The following NBPF4 variants were observed in gnomAD, a reference collection of about 807,000 sequenced individuals.
NBPF4 encodes NBPF member 4, also known as NBPF family member NBPF4.
Under a neutral mutation model 21.1 loss-of-function variants are expected in NBPF4, and 11 were observed. The observed-to-expected ratio is 0.52, with a 90% CI of 0.33 to 0.86. The LOEUF is 0.86. Among genes scored for constraint, NBPF4 ranks in the 40% least tolerant of loss-of-function variants. The probability of loss-of-function intolerance (pLI) is 0.03; values close to 1 mark genes in which losing one functional copy is unlikely to be tolerated. For synonymous variants in NBPF4, 47 were observed against 106.4 expected, an observed-to-expected ratio of 0.44 and a Z score of 3.43; for missense variants, 88 against 265.3, an observed-to-expected ratio of 0.33 and a Z score of 4.64.
chr1:108,264,479 CATT>C, the NBPF4 span, among the ~76,000 whole-genome samples: 1 of 103,404 alleles, frequency 9.7e-6, no homozygotes, highest in South Asian at 3.8e-4. Flanking sequence ...TTACACAGAT[CATT>C]GAGACAGAAC....
At chr1:108,246,510 C>T (rs573149952), upstream of NBPF4, among the ~76,000 whole-genome samples, 10 of 118,348 alleles carry the variant, frequency 8.4e-5, 3 homozygotes, top group South Asian at 3.7e-3. Context: ...TTTCTGAAGT[C>T]GAAGCACAAA....
upstream of NBPF4, among the ~76,000 whole-genome samples, chr1:108,246,222 A>G (rs1380158850): frequency 8.0e-6 from 1 of 124,386 alleles, no homozygotes; most frequent in Non-Finnish European, 1.7e-5. Flanking sequence ...ACTGGGATTG[A>G]TCCAGTCCTC....
At chr1:108,252,731 T>C in the NBPF4 span, among the ~76,000 whole-genome samples, 16,412 of 132,396 alleles carry the variant, frequency 0.12, 1,441 homozygotes, top group East Asian at 0.25. Flanking sequence ...CATTTTCACA[T>C]CTCAATTTTA....
the NBPF4 span, among the ~76,000 whole-genome samples, chr1:108,252,762 G>T: frequency 8.3e-6 from 1 of 120,282 alleles, no homozygotes. Flanking sequence ...CTCTGATTTT[G>T]GTTTTCTTTT....
At position 108,223,474 on chromosome 1, in the gene NBPF4, T is replaced by A. The variant is rs1649374674; in HGVS notation, c.*231A>T. The A allele has an allele frequency of 7.3e-6, 4 of 548,480 alleles. No individual in the cohort carries two copies. Among genetic ancestry groups the A allele is most frequent in the Non-Finnish European group, 1.3e-5 (4 of 303,330 alleles). 34.0% of individuals were successfully genotyped at this position (548,480 alleles called of 1,614,324 possible). On this transcript the variant is annotated 3_prime_UTR_variant, in exon 15 of 15. Transcript: ENST00000415641. The stretch of plus-strand genomic sequence containing the variant: ...AAACAGGGCTAACGCCGGTCAATGC[T>A]ATTTGTCCATCTGGGCATTGGTCTC...
upstream of NBPF4, among the ~76,000 whole-genome samples, chr1:108,247,831 CTTTTTTTT>C (rs61276485): frequency 2.3e-5 from 2 of 85,208 alleles, no homozygotes; most frequent in East Asian, 4.5e-4. Flanking sequence ...GTGTGAGATG[CTTTTTTTT>C]TTTTTTTTTT....
chr1:108,257,653 ATTTTTC>A, the NBPF4 span, among the ~76,000 whole-genome samples: 3 of 137,010 alleles, frequency 2.2e-5, no homozygotes, highest in South Asian at 4.5e-4. Context: ...ATTTTTAAAT[ATTTTTC>A]TTTTTCATGT....
At chr1:108,223,952 G>A (rs1421663450) in intron 14 of NBPF4, among the ~76,000 whole-genome samples, 1 of 149,942 alleles carries the variant, frequency 6.7e-6, no homozygotes, top group Admixed American at 6.7e-5. Flanking sequence ...CAGTCAGCCT[G>A]GGGTGCAGGA....
chr1:108,257,762 C>CTTTTTTTTTTTTTTTTTTTTTTTT, the NBPF4 span, among the ~76,000 whole-genome samples: 2 of 54,774 alleles, frequency 3.7e-5, no homozygotes, highest in African/African-American at 7.8e-5. Context: ...CTTTTCTTTT[C>CTTTTTTTTTTTTTTTTTTTTTTTT]TTTTTTTTTT....
chr1:108,259,842 C>A, the NBPF4 span, among the ~76,000 whole-genome samples: 65 of 150,798 alleles, frequency 4.3e-4, no homozygotes, highest in East Asian at 0.012. Flanking sequence ...TTGTGAGCAT[C>A]ATTAATATTA....
At chr1:108,223,780 G>A in intron 14 of NBPF4, 34 bp from the exon 15 acceptor site, 1 of 1,543,500 alleles carries the variant, frequency 6.5e-7, no homozygotes, top group Non-Finnish European at 8.7e-7. Context: ...AATCAAATGA[G>A]CATTTTTGTC....
Position 108,234,909 on chromosome 1 carries a change from C to T in NBPF4, c.1028+327G>A, listed in dbSNP as rs1299820767. 1.9e-5 allele frequency among the ~76,000 whole-genome samples: 2 copies of T among 104,204 alleles called. 1 individual carries two copies. The highest frequency in any genetic ancestry group is 8.3e-5 in the African/African-American group (2 of 24,102). The allele number at this position is 104,204 out of a possible 152,430, so 68.4% of individuals were successfully genotyped here. The stretch of plus-strand genomic sequence containing the variant: ...AATTTCCTTGCCTTGAAATGCTCAC[C>T]ACTGTGCTAATGCAAAACCAGCAGA... On this transcript the variant is annotated intron_variant, in intron 9 of 14. Coordinates refer to ENST00000415641, the MANE Select transcript of NBPF4 (RefSeq NM_001143989.3).
the NBPF4 span, among the ~76,000 whole-genome samples, chr1:108,266,107 T>A: frequency 5.8e-5 from 7 of 121,440 alleles, no homozygotes; most frequent in South Asian, 2.6e-4. Flanking sequence ...GATAGAAACA[T>A]GAAAAACCCT....
chr1:108,268,688 T>C, the NBPF4 span, among the ~76,000 whole-genome samples: 1 of 149,638 alleles, frequency 6.7e-6, no homozygotes. Flanking sequence ...GAGAGAAAAA[T>C]GCTAGCAAAA....
chr1:108,259,786 T>C, the NBPF4 span, among the ~76,000 whole-genome samples: 12 of 151,698 alleles, frequency 7.9e-5, no homozygotes, highest in Non-Finnish European at 1.3e-4. Flanking sequence ...TTTCTTTTTT[T>C]TGAAAGCATC....
At chr1:108,226,382 C>A (rs1423690535) in intron 14 of NBPF4, among the ~76,000 whole-genome samples, 1 of 150,832 alleles carries the variant, frequency 6.6e-6, no homozygotes, top group African/African-American at 2.5e-5. Context: ...CTGTGTTCAG[C>A]AGCTTAAACT....
chr1:108,267,106 GA>G, the NBPF4 span, among the ~76,000 whole-genome samples: 1 of 93,372 alleles, frequency 1.1e-5, no homozygotes, highest in African/African-American at 3.8e-5. Context: ...AAATGTTTTA[GA>G]TTCCTATTAA....
At chr1:108,264,203 C>G in the NBPF4 span, among the ~76,000 whole-genome samples, 1 of 150,196 alleles carries the variant, frequency 6.7e-6, no homozygotes, top group Admixed American at 6.6e-5. Flanking sequence ...ATTTACCAAG[C>G]AAATGGAAAG....
rs1472579670 is a variant in NBPF4 at position 108,223,555 on chromosome 1, A to G, written c.*150T>C. 2.5e-5 allele frequency: 18 copies of G among 734,284 alleles called. No individual in the cohort carries two copies. The highest frequency in any genetic ancestry group is 3.7e-5 in the Non-Finnish European group (16 of 433,856). 45.5% of individuals were successfully genotyped at this position (734,284 alleles called of 1,614,324 possible). ...GGAATGTGGCTTCTCAAATCAAAGG[A>G]GCATAGTGGCTTGAAGTCATCAAGA... is the stretch of plus-strand genomic sequence containing the variant. On this transcript the variant is annotated 3_prime_UTR_variant, in exon 15 of 15. Transcript: ENST00000415641.
Sources: allele counts gnomAD v4.1 joint callset (sites outside exome capture counted in the v4.1 genomes callset), GRCh38; gene constraint gnomAD v4.1.1; transcripts MANE v1.5; gene names NCBI Gene and HGNC (gene_info 2026-07-23, HGNC 2026-07-21).